Variants in SH3PXD2A observed in about 807,000 individuals in gnomAD.
SH3PXD2A encodes the protein SH3 and PX domain-containing protein 2A.
In SH3PXD2A, 32 loss-of-function variants were observed where a neutral mutation model predicts 115.2. The observed-to-expected ratio is 0.28, with a 90% CI of 0.21 to 0.37. The LOEUF (loss-of-function observed/expected upper bound fraction) is 0.37, where lower values mean the gene tolerates loss of function less well. Among genes scored for constraint, SH3PXD2A ranks in the 10% least tolerant of loss-of-function variants. The pLI is 1.00. For missense variants in SH3PXD2A, 1,328 were observed against 1,498.7 expected (o/e 0.89, Z 1.88); for synonymous variants, 610 against 629.1 (o/e 0.97, Z 0.45).
chr10:103,615,917 G>A (rs930282401), intron 11 of SH3PXD2A, among the ~76,000 whole-genome samples: 2 of 151,728 alleles, frequency 1.3e-5, no homozygotes, highest in Non-Finnish European at 2.9e-5. Flanking sequence ...AAGTCTAGGG[G>A]CACTGGCTTT....
chr10:103,850,688 C>T (rs1465828919), intron 1 of SH3PXD2A, among the ~76,000 whole-genome samples: 2 of 152,330 alleles, frequency 1.3e-5, no homozygotes, highest in East Asian at 3.9e-4. Context: ...CTGTGTTTAT[C>T]TGTTCCTCTT....
rs2036243620 is a variant in SH3PXD2A, at chr10:103,603,044, T to C, written c.2174A>G (p.Asp725Gly). Reference sequence around the variant, plus strand: ...CTTGGGAGTGCCGCGGATGCCTGCGTCCGAAGCAGAGCGGGGCTTCAGGTC... The same window carrying C: ...CTTGGGAGTGCCGCGGATGCCTGCGCCCGAAGCAGAGCGGGGCTTCAGGTC... ...SGDLKPRSASDAGIRGTPKVR... is the reference protein window; with the variant it reads ...SGDLKPRSASGAGIRGTPKVR... Residue 725 changes from aspartate (D) to glycine (G), a missense_variant, in exon 15 of 15, where the codon GAC (aspartate) becomes GGC (glycine). Physicochemically the swap from Asp to Gly is moderately conservative, Grantham distance 94. This residue lies in a region of SH3PXD2A where 574 missense variants were observed against 565.7 expected (regional missense o/e 1.01). Transcript: ENST00000369774. 6.2e-7 allele frequency: 1 copy of C among 1,613,926 alleles called. No individual in the cohort carries two copies. The highest frequency in any genetic ancestry group is 8.5e-7 in the Non-Finnish European group (1 of 1,180,028).
chr10:103,635,427 C>T (rs544618246), intron 8 of SH3PXD2A, among the ~76,000 whole-genome samples: 1 of 152,226 alleles, frequency 6.6e-6, no homozygotes, highest in African/African-American at 2.4e-5. Context: ...CTCTGATACC[C>T]GCCAGGGCGT....
chr10:103,729,502 G>A (rs2038288426), intron 4 of SH3PXD2A, among the ~76,000 whole-genome samples: 1 of 152,216 alleles, frequency 6.6e-6, no homozygotes, highest in Admixed American at 6.5e-5. Flanking sequence ...AGAGGGTTCC[G>A]AAGGCCTCAG....
chr10:103,812,491 G>A (rs67630997), intron 1 of SH3PXD2A, among the ~76,000 whole-genome samples: 45,382 of 151,882 alleles, frequency 0.3, 7,340 homozygotes, highest in African/African-American at 0.36. Context: ...AGTGGGTCTA[G>A]GAAAGGGTCA....
intron 10 of SH3PXD2A, among the ~76,000 whole-genome samples, chr10:103,621,452 G>C (rs2036602078): frequency 6.6e-6 from 1 of 152,242 alleles, no homozygotes; most frequent in African/African-American, 2.4e-5. Context: ...GCCATAGGCT[G>C]TAGCCACCTG....
intron 5 of SH3PXD2A, among the ~76,000 whole-genome samples, chr10:103,713,544 C>T (rs1003266782): frequency 2.6e-5 from 4 of 152,336 alleles, no homozygotes; most frequent in Middle Eastern, 3.4e-3. Context: ...ATCTCAGGGA[C>T]TCCCTCTGGC....
rs184027001 is a variant in SH3PXD2A, at chr10:103,597,837, A to C, written c.*3979T>G. The stretch of plus-strand genomic sequence containing the variant: ...GGGGTAGGGGAAGTGAGTAACCTTA[A>C]AGAAATAATATATTAGTTAAATACA... On this transcript the variant is annotated 3_prime_UTR_variant, in exon 15 of 15. Transcript: ENST00000369774. 1.2e-4 allele frequency: 18 copies of C among 152,768 alleles called. No homozygotes were observed. Among genetic ancestry groups the C allele is most frequent in the Admixed American group, 5.2e-4 (8 of 15,306 alleles). 9.5% of individuals were successfully genotyped at this position (152,768 alleles called of 1,614,324 possible).
At chr10:103,641,535 G>A (rs937732311) in intron 8 of SH3PXD2A, among the ~76,000 whole-genome samples, 2 of 152,174 alleles carry the variant, frequency 1.3e-5, no homozygotes, top group African/African-American at 4.8e-5. Flanking sequence ...AACCACTCCA[G>A]CTCAGCTGTT....
At chr10:103,660,860 T>C (rs779211425) in intron 8 of SH3PXD2A, 123 bp downstream of exon 8, 50 of 1,140,162 alleles carry the variant, frequency 4.4e-5, no homozygotes, top group Middle Eastern at 2.0e-4. Flanking sequence ...GCCTCGGCCC[T>C]CTCTCTGCCA....
intron 9 of SH3PXD2A, among the ~76,000 whole-genome samples, chr10:103,624,770 C>T (rs1374119874): frequency 6.6e-6 from 1 of 152,162 alleles, no homozygotes; most frequent in Non-Finnish European, 1.5e-5. Context: ...GAACTAGTGT[C>T]GGCCAATCTC....
intron 5 of SH3PXD2A, among the ~76,000 whole-genome samples, chr10:103,717,249 G>A (rs1487094467): frequency 6.6e-6 from 1 of 152,156 alleles, no homozygotes; most frequent in African/African-American, 2.4e-5. Context: ...AAATAGCCTG[G>A]CTTTATTTTG....
intron 3 of SH3PXD2A, among the ~76,000 whole-genome samples, chr10:103,741,970 C>A (rs923693376): frequency 3.9e-5 from 6 of 152,184 alleles, no homozygotes; most frequent in Middle Eastern, 3.4e-3. Context: ...CATAGTGAGA[C>A]CCTGTCTCTA....
chr10:103,839,123 C>CCATTTCTTA (rs2039573241), intron 1 of SH3PXD2A, among the ~76,000 whole-genome samples: 1 of 152,188 alleles, frequency 6.6e-6, no homozygotes. Flanking sequence ...AATCTTCTTT[C>CCATTTCTTA]CATTTCTTAC....
At chr10:103,718,763 A>ACACACACAC (rs1554915140) in intron 5 of SH3PXD2A, among the ~76,000 whole-genome samples, 1 of 130,478 alleles carries the variant, frequency 7.7e-6, no homozygotes, top group Non-Finnish European at 1.6e-5. Context: ...CAATCAGGAC[A>ACACACACAC]CACACACACA....
intron 2 of SH3PXD2A, among the ~76,000 whole-genome samples, chr10:103,769,179 T>C (rs201963782): frequency 0.096 from 11,076 of 115,916 alleles, 1,169 homozygotes; most frequent in East Asian, 0.34. Context: ...TGTGTGTGTG[T>C]GTGCGCGCGC....
intron 4 of SH3PXD2A, among the ~76,000 whole-genome samples, chr10:103,729,000 T>C (rs556692283): frequency 6.6e-6 from 1 of 152,000 alleles, no homozygotes; most frequent in East Asian, 1.9e-4. Context: ...TTCAAGCGAT[T>C]CTCCTGTCTC....
chr10:103,778,827 T>TC, intron 2 of SH3PXD2A, among the ~76,000 whole-genome samples: 1 of 152,284 alleles, frequency 6.6e-6, no homozygotes, highest in East Asian at 1.9e-4. Context: ...ACCTATAATT[T>TC]CACACCCTTT....
chr10:103,840,361 A>C (rs1231413961), intron 1 of SH3PXD2A, among the ~76,000 whole-genome samples: 2 of 152,122 alleles, frequency 1.3e-5, no homozygotes, highest in Non-Finnish European at 2.9e-5. Context: ...TGCACTTGTA[A>C]ATGGCCCAGG....
Sources: allele counts gnomAD v4.1 joint callset (sites outside exome capture counted in the v4.1 genomes callset), GRCh38; gene constraint gnomAD v4.1.1; regional missense constraint gnomAD v4.1.1; transcripts MANE v1.5; gene names NCBI Gene and HGNC (gene_info 2026-07-23, HGNC 2026-07-21).